Variants in PPP1R9B observed in about 807,000 individuals in gnomAD.
The protein encoded by PPP1R9B is protein phosphatase 1 regulatory subunit 9B.
A neutral mutation model predicts 75.8 loss-of-function variants in PPP1R9B; 17 were observed. The ratio of observed to expected loss-of-function variants is 0.22; its 90% confidence interval spans 0.15 to 0.34. PPP1R9B has a LOEUF of 0.34. PPP1R9B is among the 10% of genes least tolerant of loss of function. The probability of loss-of-function intolerance (pLI) is 1.00; values close to 1 mark genes in which losing one functional copy is unlikely to be tolerated. For synonymous variants in PPP1R9B, 509 were observed against 535.4 expected (o/e 0.95, Z 0.68); for missense variants, 875 against 1,196.0 (o/e 0.73, Z 3.96).
intron 3 of PPP1R9B, 116 bp downstream of exon 3, chr17:50,143,482 A>G: frequency 7.6e-7 from 1 of 1,311,236 alleles, no homozygotes; most frequent in Non-Finnish European, 1.1e-6. Flanking sequence ...CTGCACACAC[A>G]GCACGGAAAT....
rs1912318519 is a variant in PPP1R9B at position 50,139,632 on chromosome 17, G to A, written c.1867-51C>T. 1.3e-6 allele frequency: 2 copies of A among 1,512,036 alleles called. No individual in the cohort carries two copies. Among genetic ancestry groups the A allele is most frequent in the African/African-American group, 1.4e-5 (1 of 71,746 alleles). The allele number at this position is 1,512,036 out of a possible 1,614,324, so 93.7% of individuals were successfully genotyped here. ...GGCCCACCCCACCCAGCTGCCCTCA[G>A]CCCTGATGACCAGGGCTGGGACCAG... On this transcript the variant is annotated intron_variant, in intron 5 of 9. Coordinates refer to ENST00000612501, the MANE Select transcript of PPP1R9B (RefSeq NM_032595.5). The surrounding 1 kb of genome is among the most constrained non-coding windows in gnomAD (Gnocchi z 5.0).
At chr17:50,135,934 C>A in intron 8 of PPP1R9B, 34 bp downstream of exon 8, 1 of 1,456,830 alleles carries the variant, frequency 6.9e-7, no homozygotes, top group Non-Finnish European at 9.4e-7. Flanking sequence ...TCAATGCTCC[C>A]TGGGCCCAGC....
At position 50,150,078 on chromosome 17, in the gene PPP1R9B, C is replaced by T. The variant is rs1298701267; in HGVS notation, c.436G>A (p.Glu146Lys). 1.4e-6 allele frequency: 2 copies of T among 1,420,088 alleles called. No homozygotes were observed. The highest frequency in any genetic ancestry group is 1.8e-6 in the Non-Finnish European group (2 of 1,093,088). 88.0% of individuals were successfully genotyped at this position (1,420,088 alleles called of 1,614,324 possible). Residue 146 changes from glutamate to lysine, a missense_variant, in exon 1 of 10, where the codon GAG (glutamate) becomes AAG (lysine). This residue lies in a region of PPP1R9B where 449 missense variants were observed against 475.0 expected (regional missense o/e 0.95). Transcript: ENST00000612501. This position sits in a 1 kb window ranked among gnomAD's most constrained non-coding sequence, Gnocchi z 8.7. ...PPPHPPSRLQ[E>K]TRKLFERSAP... ...CTCCGTTCGAACAGCTTCCGCGTCTCCTGCAGCCGGGACGGCGGGTGCGGC... is the reference window on the plus strand; with the variant it reads ...CTCCGTTCGAACAGCTTCCGCGTCTTCTGCAGCCGGGACGGCGGGTGCGGC...
At position 50,149,814 on chromosome 17, in the gene PPP1R9B, C is replaced by A. The variant is rs995097515; in HGVS notation, c.700G>T (p.Ala234Ser). Residue 234 changes from alanine to serine, a missense_variant, in exon 1 of 10, where the codon GCA becomes TCA. Physicochemically the swap from Ala to Ser is moderately conservative, Grantham distance 99. This residue lies in a region of PPP1R9B where 449 missense variants were observed against 475.0 expected (regional missense o/e 0.95). Transcript: ENST00000612501. The surrounding 1 kb of genome is among the most constrained non-coding windows in gnomAD (Gnocchi z 7.2). ...LHRGPGLPRA[A>S]GVPQVNSKLV... ...TTCGAGTTGACCTGGGGAACCCCTGCGGCCCTGGGGAGCCCGGGCCCGCGG... is the reference window on the plus strand; with the variant it reads ...TTCGAGTTGACCTGGGGAACCCCTGAGGCCCTGGGGAGCCCGGGCCCGCGG... 11 of 1,430,318 alleles carry A rather than the reference C, an allele frequency of 7.7e-6. No homozygotes were observed. Among genetic ancestry groups the A allele is most frequent in the Non-Finnish European group, 1.0e-5 (11 of 1,098,242 alleles). 88.6% of individuals were successfully genotyped at this position (1,430,318 alleles called of 1,614,324 possible).
At chr17:50,135,447 G>A (rs368705944) in intron 9 of PPP1R9B, 63 bp from the exon 10 acceptor site, 32 of 1,581,772 alleles carry the variant, frequency 2.0e-5, no homozygotes, top group South Asian at 3.3e-5. Flanking sequence ...AGCCCCTTCC[G>A]CCCCCCGGTG....
rs1475006599 is a variant in PPP1R9B at position 50,149,040 on chromosome 17, G to T, written c.1371+103C>A. The T allele has an allele frequency of 2.4e-6, 2 of 830,590 alleles. No individual in the cohort carries two copies. The highest frequency in any genetic ancestry group is 1.8e-5 in the African/African-American group (1 of 54,790). The allele number at this position is 830,590 out of a possible 1,614,324, so 51.5% of individuals were successfully genotyped here. ...TCTGGGAAGGGGGCTGGGTGGCAGG[G>T]GCTGACTCAGCCTGCCAAACCCGGC... On this transcript the variant is annotated intron_variant, in intron 1 of 9. Coordinates refer to ENST00000612501, the MANE Select transcript of PPP1R9B (RefSeq NM_032595.5). This position sits in a 1 kb window ranked among gnomAD's most constrained non-coding sequence, Gnocchi z 7.2.
chr17:50,150,010 C>T lies in PPP1R9B; in HGVS notation c.504G>A (p.Arg168=). The T allele has an allele frequency of 2.7e-6, 4 of 1,487,916 alleles. No homozygotes were observed. The highest frequency in any genetic ancestry group is 3.5e-6 in the Non-Finnish European group (4 of 1,128,990). The allele number at this position is 1,487,916 out of a possible 1,614,324, so 92.2% of individuals were successfully genotyped here. Residue 168 remains arginine, a synonymous_variant, in exon 1 of 10, where the codon CGG becomes CGA. Coordinates refer to ENST00000612501, the MANE Select transcript of PPP1R9B (RefSeq NM_032595.5). This position sits in a 1 kb window ranked among gnomAD's most constrained non-coding sequence, Gnocchi z 8.7. ...CGGCGCGCTCCTGCCTCAGCAGCCG[C>T]CGCGCCGCGGCCTCCTTGTCGCCGC... The part of the protein sequence containing the change: ...AAGGDKEAAA[R]RLLRQERAGL...
At chr17:50,148,818 G>A (rs1244031437) in intron 1 of PPP1R9B, among the ~76,000 whole-genome samples, 1 of 152,236 alleles carries the variant, frequency 6.6e-6, no homozygotes, top group Non-Finnish European at 1.5e-5. Context: ...CTGGAGGAAG[G>A]AATGTCCGGG....
intron 3 of PPP1R9B, 77 bp from the exon 4 acceptor site, chr17:50,141,450 AC>A: frequency 1.1e-6 from 1 of 910,758 alleles, no homozygotes. Flanking sequence ...CCCATCAGAA[AC>A]TCCAGGCTCC....
Position 50,139,158 on chromosome 17 carries a change from G to T in PPP1R9B, c.2073+105C>A. 7.9e-7 allele frequency: 1 copy of T among 1,272,540 alleles called. No homozygotes were observed. The highest frequency in any genetic ancestry group is 1.1e-6 in the Non-Finnish European group (1 of 869,896). 78.8% of individuals were successfully genotyped at this position (1,272,540 alleles called of 1,614,324 possible). A position where few individuals can be genotyped will look rare whatever the true frequency, so the allele number is the denominator to read the frequency against. ...TGCTTTAGAGCAGCTTGTTCTGTGG[G>T]TACCTGTGCCTAAGTGTCAGCATGT... On this transcript the variant is annotated intron_variant, in intron 7 of 9. Coordinates refer to ENST00000612501, the MANE Select transcript of PPP1R9B (RefSeq NM_032595.5). The surrounding 1 kb of genome is among the most constrained non-coding windows in gnomAD (Gnocchi z 5.0).
At chr17:50,135,813 G>A (rs1428572127) in intron 8 of PPP1R9B, 155 bp downstream of exon 8, 4 of 856,652 alleles carry the variant, frequency 4.7e-6, no homozygotes, top group South Asian at 3.5e-5. Context: ...GCTCTGTGCT[G>A]GCTCTGATGC....
In PPP1R9B at chr17:50,149,718, G is replaced by C. The variant is rs1206538009; in HGVS notation, c.796C>G (p.Pro266Ala). The C allele has an allele frequency of 5.5e-5, 78 of 1,410,852 alleles. 1 individual carries two copies. In the South Asian group the frequency reaches 1.2e-3, roughly 21 times the overall value. 87.4% of individuals were successfully genotyped at this position (1,410,852 alleles called of 1,614,324 possible). ...GCGGGGCATCGCTCTTTCTCGGCCG[G>C]GGCATCCCCCGACGGGGCGGGCGGC... ...PPPPAPSGDA[P>A]AEKERCPAGQ... The change falls in exon 1 of 10, where the codon CCG (proline) becomes GCG (alanine). Residue 266 changes from proline to alanine, a missense_variant. Coordinates refer to ENST00000612501, the MANE Select transcript of PPP1R9B (RefSeq NM_032595.5). This position sits in a 1 kb window ranked among gnomAD's most constrained non-coding sequence, Gnocchi z 7.2.
rs2144434903 is a variant in PPP1R9B at position 50,133,804 on chromosome 17, A to C, written c.*1527T>G. 1.3e-5 allele frequency: 2 copies of C among 152,386 alleles called. No homozygotes were observed. The highest frequency in any genetic ancestry group is 4.1e-4 in the South Asian group (2 of 4,820). The allele number at this position is 152,386 out of a possible 1,614,324, so 9.4% of individuals were successfully genotyped here. A position where few individuals can be genotyped will look rare whatever the true frequency, so the allele number is the denominator to read the frequency against. The stretch of plus-strand genomic sequence containing the variant: ...GTCCGTACAAAACCGGGAACAATAC[A>C]TACATATATATATTATATACAGAGA... On this transcript the variant is annotated 3_prime_UTR_variant, in exon 10 of 10. Transcript: ENST00000612501.
Position 50,149,129 on chromosome 17 carries a change from G to A in PPP1R9B, c.1371+14C>T, listed in dbSNP as rs903449968. The A allele has an allele frequency of 1.1e-5, 15 of 1,425,410 alleles. No homozygotes were observed. The African/African-American group carries it at 1.6e-4, about 15-fold the overall frequency. 88.3% of individuals were successfully genotyped at this position (1,425,410 alleles called of 1,614,324 possible). ...CAGGGGCGGCGCGGGGGCAGGGCGG[G>A]GGGGCTCACTTACTTGGATGGGCGC... On this transcript the variant is annotated intron_variant, in intron 1 of 9. Coordinates refer to ENST00000612501, the MANE Select transcript of PPP1R9B (RefSeq NM_032595.5). This position sits in a 1 kb window ranked among gnomAD's most constrained non-coding sequence, Gnocchi z 7.2.
Position 50,142,725 on chromosome 17 carries a change from C to T in PPP1R9B, c.1625+873G>A, listed in dbSNP as rs757728475. Among the ~76,000 whole-genome samples, 43 of 152,170 alleles carry T rather than the reference C, an allele frequency of 2.8e-4. No homozygotes were observed. The highest frequency in any genetic ancestry group is 6.2e-4 in the South Asian group (3 of 4,828). ...CCACTCCCCACACCCCTGGAATACA[C>T]AGCTAACACAGGGGTCCCTGGCTGG... On this transcript the variant is annotated intron_variant, in intron 3 of 9. Coordinates refer to ENST00000612501, the MANE Select transcript of PPP1R9B (RefSeq NM_032595.5). This position sits in a 1 kb window ranked among gnomAD's most constrained non-coding sequence, Gnocchi z 4.1.
chr17:50,146,688 G>A (rs1052178135), intron 1 of PPP1R9B, among the ~76,000 whole-genome samples: 1 of 152,196 alleles, frequency 6.6e-6, no homozygotes, highest in African/African-American at 2.4e-5. Flanking sequence ...TCTGGCTCCA[G>A]CCCTTAAAGC....
In PPP1R9B at chr17:50,149,206, C is replaced by T; in HGVS notation, c.1308G>A (p.Gly436=). ...GGGCTGGGTCCTCCTCCTCCGACAG[C>T]CCCGGGATCTCCACGCACCCCGACT... The part of the protein sequence containing the change: ...EPESGCVEIP[G]LSEEEDPAPS... Residue 436 remains glycine, a synonymous_variant, in exon 1 of 10, where the codon GGG becomes GGA. Coordinates refer to ENST00000612501, the MANE Select transcript of PPP1R9B (RefSeq NM_032595.5). This position sits in a 1 kb window ranked among gnomAD's most constrained non-coding sequence, Gnocchi z 7.2. The T allele has an allele frequency of 1.2e-6, 2 of 1,603,350 alleles. No individual in the cohort carries two copies. The highest frequency in any genetic ancestry group is 1.7e-6 in the Non-Finnish European group (2 of 1,175,600).
chr17:50,139,463 A>G lies in PPP1R9B; in HGVS notation c.1985T>C (p.Met662Thr). The G allele has an allele frequency of 6.2e-7, 1 of 1,604,586 alleles. No individual in the cohort carries two copies. The highest frequency in any genetic ancestry group is 8.5e-7 in the Non-Finnish European group (1 of 1,173,362). ...CTTGTGCACCAGCTTCTCGGGCTCC[A>G]TGTCCACAGGGGACAGTGCATCCTC... ...ENEDALSPVD[M>T]EPEKLVHKFK... is the part of the protein sequence containing the mutation. The change falls in exon 6 of 10, where the codon ATG becomes ACG. Residue 662 changes from methionine to threonine, a missense_variant. By Grantham distance (81) the Met-to-Thr change is moderately conservative. Transcript: ENST00000612501. The surrounding 1 kb of genome is among the most constrained non-coding windows in gnomAD (Gnocchi z 5.0).
In PPP1R9B at chr17:50,140,189, T is replaced by A; in HGVS notation, c.1770A>T (p.Glu590Asp). 1 of 1,608,682 alleles carries A rather than the reference T, an allele frequency of 6.2e-7. No homozygotes were observed. The highest frequency in any genetic ancestry group is 1.3e-5 in the African/African-American group (1 of 74,966). The part of the protein sequence containing the change: ...IGRERPGEQS[E>D]VAQLIQQTLE... ...AAGTCTGCTGAATTAGCTGGGCCAC[T>A]TCGCTCTGCTCTCCCGGCCGCTCCC... The change falls in exon 5 of 10, where the codon GAA (glutamate) becomes GAT (aspartate). Residue 590 changes from glutamate (E) to aspartate (D), a missense_variant. This residue lies in a region of PPP1R9B where 218 missense variants were observed against 334.6 expected (regional missense o/e 0.65). Coordinates refer to ENST00000612501, the MANE Select transcript of PPP1R9B (RefSeq NM_032595.5).
Sources: allele counts gnomAD v4.1 joint callset (sites outside exome capture counted in the v4.1 genomes callset), GRCh38; gene constraint gnomAD v4.1.1; regional missense constraint gnomAD v4.1.1; non-coding constraint Gnocchi (gnomAD v3.1); transcripts MANE v1.5; gene names NCBI Gene and HGNC (gene_info 2026-07-23, HGNC 2026-07-21).